TSC22D2: variants seen among roughly 807,000 people sequenced by gnomAD.
TSC22D2 encodes TSC22 domain family protein 2.
A neutral mutation model predicts 50.1 loss-of-function variants in TSC22D2; 5 were observed. The observed-to-expected ratio is 0.10, with a 90% CI of 0.05 to 0.21. The LOEUF (loss-of-function observed/expected upper bound fraction) is 0.21, where lower values mean the gene tolerates loss of function less well. TSC22D2 is among the 10% of genes least tolerant of loss of function. TSC22D2 has a pLI of 1.00. For missense variants in TSC22D2, 1,003 were observed against 1,015.5 expected (o/e 0.99, Z 0.17); for synonymous variants, 501 against 450.1 (o/e 1.11, Z -1.43).
At chr3:150,420,993 G>A (rs939709308) in intron 1 of TSC22D2, among the ~76,000 whole-genome samples, 1 of 152,228 alleles carries the variant, frequency 6.6e-6, no homozygotes, top group African/African-American at 2.4e-5. Flanking sequence ...TGAGGCGGGA[G>A]GATCATTTGA....
At chr3:150,454,938 T>G (rs971775123) in intron 1 of TSC22D2, among the ~76,000 whole-genome samples, 2 of 152,056 alleles carry the variant, frequency 1.3e-5, no homozygotes, top group Admixed American at 6.6e-5. Context: ...TGGGAATCAT[T>G]CTAAAACTCG....
intron 1 of TSC22D2, among the ~76,000 whole-genome samples, chr3:150,446,476 C>G (rs1466762386): frequency 2.0e-5 from 3 of 152,176 alleles, no homozygotes; most frequent in Admixed American, 6.5e-5. Context: ...AGAGTGAGAT[C>G]TGTCTTTACA....
At chr3:150,422,703 T>C (rs927888088) in intron 1 of TSC22D2, among the ~76,000 whole-genome samples, 5 of 152,208 alleles carry the variant, frequency 3.3e-5, no homozygotes, top group Admixed American at 1.3e-4. Flanking sequence ...ACAAGATAGA[T>C]ATTTGTAAAG....
chr3:150,442,335 G>A (rs572020827), intron 1 of TSC22D2, among the ~76,000 whole-genome samples: 4 of 152,120 alleles, frequency 2.6e-5, no homozygotes, highest in Non-Finnish European at 5.9e-5. Context: ...TTTATTTGAC[G>A]TTGTATCCCC....
intron 1 of TSC22D2, among the ~76,000 whole-genome samples, chr3:150,453,907 A>G (rs1576558724): frequency 6.6e-6 from 1 of 151,956 alleles, no homozygotes; most frequent in East Asian, 1.9e-4. Flanking sequence ...ACTCAAAGTA[A>G]TCACTGTCTG....
chr3:150,439,689 A>G (rs78652657), intron 1 of TSC22D2, among the ~76,000 whole-genome samples: 3 of 151,994 alleles, frequency 2.0e-5, no homozygotes, highest in Admixed American at 1.3e-4. Flanking sequence ...TTTTCAGAGC[A>G]TTTGTCAGAT....
chr3:150,457,482 A>G (rs1721224916), intron 2 of TSC22D2, among the ~76,000 whole-genome samples: 1 of 152,158 alleles, frequency 6.6e-6, no homozygotes, highest in Non-Finnish European at 1.5e-5. Flanking sequence ...TGGAGGTCTG[A>G]TTGAAGTAGA....
intron 1 of TSC22D2, among the ~76,000 whole-genome samples, chr3:150,443,967 C>G (rs910550058): frequency 6.6e-6 from 1 of 152,144 alleles, no homozygotes; most frequent in Non-Finnish European, 1.5e-5. Flanking sequence ...TATGGAGTTA[C>G]CAAGTTTCAC....
At chr3:150,452,162 A>C (rs1025055751) in intron 1 of TSC22D2, among the ~76,000 whole-genome samples, 3 of 152,292 alleles carry the variant, frequency 2.0e-5, no homozygotes, top group Admixed American at 6.5e-5. Context: ...AATAGAGATC[A>C]AGGCTGGGCG....
chr3:150,450,096 A>G (rs1720997387), intron 1 of TSC22D2, among the ~76,000 whole-genome samples: 1 of 152,120 alleles, frequency 6.6e-6, no homozygotes, highest in Admixed American at 6.6e-5. Flanking sequence ...ACTCTAGACA[A>G]AGGGGGTCTA....
chr3:150,416,281 G>A (rs1010739676), intron 1 of TSC22D2, among the ~76,000 whole-genome samples: 8 of 151,982 alleles, frequency 5.3e-5, no homozygotes, highest in East Asian at 3.9e-4. Context: ...TGCATTACTC[G>A]TTAAATACTT....
intron 1 of TSC22D2, among the ~76,000 whole-genome samples, chr3:150,440,553 A>G (rs924510286): frequency 2.6e-5 from 4 of 152,120 alleles, no homozygotes; most frequent in Non-Finnish European, 4.4e-5. Flanking sequence ...ACTAGGAAGC[A>G]TTAATTTAAA....
chr3:150,410,774 C>A lies in TSC22D2; in HGVS notation c.1424C>A (p.Ala475Asp). The A allele has an allele frequency of 6.2e-7, 1 of 1,611,362 alleles. No individual in the cohort carries two copies. Among genetic ancestry groups the A allele is most frequent in the Non-Finnish European group, 8.5e-7 (1 of 1,179,176 alleles). Residue 475 changes from alanine to aspartate, a missense_variant, in exon 1 of 3, where the codon GCT becomes GAT. Physicochemically the swap from Ala to Asp is moderately radical, Grantham distance 126. Around this residue, in one of 6 missense-constraint regions of TSC22D2, gnomAD observed 696 missense variants for 647.8 expected, o/e 1.07. Coordinates refer to ENST00000688009, the MANE Select transcript of TSC22D2 (RefSeq NM_001303264.2). ...CAGCCGTGCCTCGGTCCTGCCGGGGCTGGGCAGCCCCAGTCCGTGCCTCCG... is the reference window on the plus strand; with the variant it reads ...CAGCCGTGCCTCGGTCCTGCCGGGGATGGGCAGCCCCAGTCCGTGCCTCCG... The part of the protein sequence containing the change: ...VVQPCLGPAG[A>D]GQPQSVPPPQ...
Position 150,464,750 on chromosome 3 carries a change from G to A in TSC22D2, c.*6114G>A. On this transcript the variant is annotated 3_prime_UTR_variant, in exon 3 of 3. Transcript: ENST00000688009. ...CATCAAATAATACTTTTAGAAGGAG[G>A]GGAAAAGCCTTCCACCTCGACATCG... 1 of 152,006 alleles carries A rather than the reference G, an allele frequency of 6.6e-6. No homozygotes were observed. 9.4% of individuals were successfully genotyped at this position (152,006 alleles called of 1,614,324 possible).
At chr3:150,420,442 A>G (rs1050753113) in intron 1 of TSC22D2, among the ~76,000 whole-genome samples, 6 of 152,238 alleles carry the variant, frequency 3.9e-5, no homozygotes, top group African/African-American at 1.2e-4. Flanking sequence ...ACTGTGTACT[A>G]TAGAAAACCA....
At chr3:150,434,038 G>A (rs180750416) in intron 1 of TSC22D2, among the ~76,000 whole-genome samples, 198 of 152,304 alleles carry the variant, frequency 1.3e-3, no homozygotes, top group African/African-American at 4.6e-3. Context: ...TTGCACCACT[G>A]CGCTCCAGGG....
Position 150,458,565 on chromosome 3 carries a change from C to T in TSC22D2, c.2200C>T (p.Gln734Ter), listed in dbSNP as rs149298464. ...QQANPGSTSQQQAVIAQPPQP... is the reference protein window; with the variant it reads ...QQANPGSTSQ ...GGCCAATCCTGGTAGCACTTCTCAACAGCAAGCAGTGATAGCACAGCCTCC... is the reference window on the plus strand; with the variant it reads ...GGCCAATCCTGGTAGCACTTCTCAATAGCAAGCAGTGATAGCACAGCCTCC... Residue 734 changes from glutamine (Q) to a stop codon, truncating the protein, a stop_gained, in exon 3 of 3, where the codon CAG (glutamine) becomes TAG (stop). Transcript: ENST00000688009. LOFTEE classifies it high-confidence loss of function. The T allele has an allele frequency of 2.7e-5, 44 of 1,614,084 alleles. No homozygotes were observed. Among genetic ancestry groups the T allele is most frequent in the Non-Finnish European group, 3.4e-5 (40 of 1,180,040 alleles).
intron 1 of TSC22D2, among the ~76,000 whole-genome samples, chr3:150,432,691 G>T (rs528451474): frequency 2.0e-5 from 3 of 151,896 alleles, no homozygotes; most frequent in Non-Finnish European, 4.4e-5. Flanking sequence ...TTAGGGTTTC[G>T]TCATTGTTGT....
intron 1 of TSC22D2, among the ~76,000 whole-genome samples, chr3:150,435,729 A>C (rs763878942): frequency 6.6e-6 from 1 of 152,192 alleles, no homozygotes; most frequent in Non-Finnish European, 1.5e-5. Flanking sequence ...TTGATTTAGC[A>C]TATCCATTTT....
Sources: allele counts gnomAD v4.1 joint callset (sites outside exome capture counted in the v4.1 genomes callset), GRCh38; gene constraint gnomAD v4.1.1; regional missense constraint gnomAD v4.1.1; transcripts MANE v1.5; gene names NCBI Gene and HGNC (gene_info 2026-07-23, HGNC 2026-07-21).